Variants in VWC2L observed in about 807,000 individuals in gnomAD.
The protein encoded by VWC2L is von Willebrand factor C domain-containing protein 2-like.
VWC2L carries 10 observed loss-of-function variants against 21.6 expected under a neutral mutation model. The observed-to-expected ratio is 0.46, with a 90% CI of 0.29 to 0.78. VWC2L has a LOEUF of 0.78. VWC2L is among the 30% of genes least tolerant of loss of function. VWC2L has a pLI of 0.10. For missense variants in VWC2L, 209 were observed against 277.1 expected, an observed-to-expected ratio of 0.75 and a Z score of 1.74; for synonymous variants, 96 against 94.3, an observed-to-expected ratio of 1.02 and a Z score of -0.10.
At chr2:214,439,180 G>A (rs1401280634) in intron 3 of VWC2L, among the ~76,000 whole-genome samples, 1 of 151,976 alleles carries the variant, frequency 6.6e-6, no homozygotes, top group Non-Finnish European at 1.5e-5. Flanking sequence ...TTATTGAGAA[G>A]ACAGACTGAG....
chr2:214,457,848 G>A (rs1367237317), intron 3 of VWC2L, among the ~76,000 whole-genome samples: 1 of 152,086 alleles, frequency 6.6e-6, no homozygotes, highest in African/African-American at 2.4e-5. Flanking sequence ...TTTTGCATAT[G>A]CCATTGAATT....
chr2:214,449,531 C>T (rs140782420), intron 3 of VWC2L, among the ~76,000 whole-genome samples: 10 of 152,176 alleles, frequency 6.6e-5, no homozygotes, highest in East Asian at 3.9e-4. Flanking sequence ...TGGCATAAAA[C>T]GCAAACAAAG....
chr2:214,503,542 C>T (rs940460784), intron 3 of VWC2L, among the ~76,000 whole-genome samples: 1 of 152,022 alleles, frequency 6.6e-6, no homozygotes, highest in African/African-American at 2.4e-5. Flanking sequence ...GCTAATTGTT[C>T]TCAAAACTTA....
chr2:214,428,284 C>A (rs549735277), intron 2 of VWC2L, among the ~76,000 whole-genome samples: 3 of 152,128 alleles, frequency 2.0e-5, no homozygotes, highest in Non-Finnish European at 4.4e-5. Context: ...ATCTTACAAG[C>A]GAAAAACCCA....
At chr2:214,453,724 T>C (rs1010940380) in intron 3 of VWC2L, among the ~76,000 whole-genome samples, 1 of 77,950 alleles carries the variant, frequency 1.3e-5, no homozygotes, top group African/African-American at 1.0e-4. Context: ...GAATTTTTTT[T>C]CTTTTTTTTT....
chr2:214,455,266 A>G (rs1703038492), intron 3 of VWC2L, among the ~76,000 whole-genome samples: 1 of 152,194 alleles, frequency 6.6e-6, no homozygotes, highest in South Asian at 2.1e-4. Flanking sequence ...TATATTTATA[A>G]CCATGAGTTA....
chr2:214,417,208 T>C (rs542564892), intron 2 of VWC2L, among the ~76,000 whole-genome samples: 58 of 152,248 alleles, frequency 3.8e-4, no homozygotes, highest in African/African-American at 1.4e-3. Context: ...AATCTTCACA[T>C]AAATATATTC....
In VWC2L at chr2:214,516,254, G is replaced by A. The variant is rs117814505; in HGVS notation, c.521-59418G>A. On this transcript the variant is annotated intron_variant, in intron 3 of 3. Transcript: ENST00000312504. Reference sequence around the variant, plus strand: ...AACACATCACTCTTCTCGGTGTATCGCCCCAGGAGTCAGCTCATAAATGAT... The same window carrying A: ...AACACATCACTCTTCTCGGTGTATCACCCCAGGAGTCAGCTCATAAATGAT... 2.6e-3 allele frequency among the ~76,000 whole-genome samples: 389 copies of A among 150,114 alleles called. 9 individuals are homozygous for A. Among genetic ancestry groups the A allele is most frequent in the East Asian group, 0.015 (75 of 5,058 alleles).
chr2:214,449,347 T>C (rs1702919096), intron 3 of VWC2L, among the ~76,000 whole-genome samples: 1 of 152,154 alleles, frequency 6.6e-6, no homozygotes, highest in African/African-American at 2.4e-5. Context: ...GCCATGAGCA[T>C]TGATGAAATA....
intron 3 of VWC2L, among the ~76,000 whole-genome samples, chr2:214,495,457 C>T (rs13417198): frequency 0.17 from 25,711 of 152,090 alleles, 2,295 homozygotes; most frequent in East Asian, 0.26. Context: ...TTTTCTGTTA[C>T]TTGCCAAGAT....
At chr2:214,507,432 T>A (rs550481158) in intron 3 of VWC2L, among the ~76,000 whole-genome samples, 56 of 152,326 alleles carry the variant, frequency 3.7e-4, no homozygotes, top group Non-Finnish European at 7.1e-4. Flanking sequence ...CATTTTCACA[T>A]ATATTACCAT....
At chr2:214,511,879 A>G (rs1689060845) in intron 3 of VWC2L, among the ~76,000 whole-genome samples, 1 of 115,344 alleles carries the variant, frequency 8.7e-6, no homozygotes, top group Non-Finnish European at 2.0e-5. Flanking sequence ...TACTTTATAT[A>G]TATACTTTAT....
At position 214,566,955 on chromosome 2, in the gene VWC2L, A is replaced by G. The variant is rs565837803; in HGVS notation, c.521-8717A>G. Among the ~76,000 whole-genome samples the G allele has an allele frequency of 2.6e-5, 4 of 152,324 alleles. No homozygotes were observed. The South Asian group carries it at 8.3e-4, about 32-fold the overall frequency. On this transcript the variant is annotated intron_variant, in intron 3 of 3. Transcript: ENST00000312504. ...AAGAGAAAGGGCATAATCCAACTCA[A>G]TTCAACCCCACAGACTAAGGCCTAC...
intron 3 of VWC2L, 106 bp from the exon 4 acceptor site, chr2:214,575,566 G>A: frequency 8.2e-7 from 1 of 1,225,126 alleles, no homozygotes; most frequent in South Asian, 1.4e-5. Flanking sequence ...AGTCAGTAGA[G>A]TAGTCTGACT....
chr2:214,550,418 T>G (rs1689775254), intron 3 of VWC2L, among the ~76,000 whole-genome samples: 2 of 152,216 alleles, frequency 1.3e-5, no homozygotes, highest in Non-Finnish European at 2.9e-5. Context: ...ATTCTTTTAT[T>G]TCTAATGTAT....
In VWC2L at chr2:214,576,467, T is replaced by G. The variant is rs1690230909; in HGVS notation, c.*647T>G. The stretch of plus-strand genomic sequence containing the variant: ...GGGAACAAGTACTTTGTCCATTACG[T>G]GGGGGCTCACAATTTAATTCTTACA... On this transcript the variant is annotated 3_prime_UTR_variant, in exon 4 of 4. Coordinates refer to ENST00000312504, the MANE Select transcript of VWC2L (RefSeq NM_001080500.4). 6.6e-6 allele frequency: 1 copy of G among 152,076 alleles called. No homozygotes were observed. Among genetic ancestry groups the G allele is most frequent in the Admixed American group, 6.6e-5 (1 of 15,262 alleles). 9.4% of individuals were successfully genotyped at this position (152,076 alleles called of 1,614,324 possible).
At chr2:214,553,085 C>T (rs923218919) in intron 3 of VWC2L, among the ~76,000 whole-genome samples, 3 of 152,194 alleles carry the variant, frequency 2.0e-5, no homozygotes, top group Admixed American at 2.0e-4. Flanking sequence ...CCCTCTTCTC[C>T]ATTCTTACTG....
chr2:214,452,918 T>C (rs1296856151), intron 3 of VWC2L, among the ~76,000 whole-genome samples: 2 of 152,170 alleles, frequency 1.3e-5, no homozygotes, highest in Admixed American at 1.3e-4. Flanking sequence ...CATTTGCTCA[T>C]TTTTTTATTA....
At chr2:214,522,504 T>TG (rs1309775405) in intron 3 of VWC2L, among the ~76,000 whole-genome samples, 2 of 151,970 alleles carry the variant, frequency 1.3e-5, no homozygotes, top group African/African-American at 4.8e-5. Flanking sequence ...CAGGAGACAT[T>TG]GGGGTACAGA....
Sources: allele counts gnomAD v4.1 joint callset (sites outside exome capture counted in the v4.1 genomes callset), GRCh38; gene constraint gnomAD v4.1.1; transcripts MANE v1.5; gene names NCBI Gene and HGNC (gene_info 2026-07-23, HGNC 2026-07-21).